Variants in EPB41L5 observed in about 807,000 individuals in gnomAD.
EPB41L5 encodes band 4.1-like protein 5.
Under a neutral mutation model 106.6 loss-of-function variants are expected in EPB41L5, and 55 were observed. The ratio of observed to expected loss-of-function variants is 0.52; its 90% CI spans 0.42 to 0.65. EPB41L5 has a LOEUF of 0.65. EPB41L5 is among the 30% of genes least tolerant of loss of function. EPB41L5 has a pLI of 0.00. For missense variants in EPB41L5, 871 were observed against 882.1 expected (o/e 0.99, Z 0.16); for synonymous variants, 297 against 306.7 (o/e 0.97, Z 0.33).
At position 120,160,948 on chromosome 2, in the gene EPB41L5, C is replaced by T; in HGVS notation, c.1861C>T (p.Pro621Ser). 6.2e-7 allele frequency: 1 copy of T among 1,613,882 alleles called. No individual in the cohort carries two copies. The highest frequency in any genetic ancestry group is 8.5e-7 in the Non-Finnish European group (1 of 1,179,770). ...TCTTGAGACTCTGATGCTTATCACACCTGCCGACAGTGGTTCTGTTCTAAA... is the reference window on the plus strand; with the variant it reads ...TCTTGAGACTCTGATGCTTATCACATCTGCCGACAGTGGTTCTGTTCTAAA... Reference protein sequence around the residue: ...ESLETLMLITPADSGSVLKEA... With the variant: ...ESLETLMLITSADSGSVLKEA... The change falls in exon 21 of 25, where the codon CCT (proline) becomes TCT (serine). Residue 621 changes from proline to serine, a missense_variant. Pro to Ser is a moderately conservative substitution (Grantham distance 74). Transcript: ENST00000263713.
In EPB41L5 at chr2:120,177,475, A is replaced by G. The variant is rs775908497; in HGVS notation, c.*2568A>G. The stretch of plus-strand genomic sequence containing the variant: ...GAGGAACCTCAACTCAGTCCATTTC[A>G]TAGCCCTGATAGGGGAAGTGGGAGT... On this transcript the variant is annotated 3_prime_UTR_variant, in exon 25 of 25. Coordinates refer to ENST00000263713, the MANE Select transcript of EPB41L5 (RefSeq NM_020909.4). 3 of 152,314 alleles carry G rather than the reference A, an allele frequency of 2.0e-5. No homozygotes were observed. The highest frequency in any genetic ancestry group is 6.5e-5 in the Admixed American group (1 of 15,296). 9.4% of individuals were successfully genotyped at this position (152,314 alleles called of 1,614,324 possible).
chr2:120,085,098 G>A (rs1682963014), intron 10 of EPB41L5, among the ~76,000 whole-genome samples: 1 of 152,094 alleles, frequency 6.6e-6, no homozygotes, highest in Non-Finnish European at 1.5e-5. Context: ...AGAGAAGTTT[G>A]ATCATCTGAA....
chr2:120,086,085 C>G (rs1351182764), intron 10 of EPB41L5, among the ~76,000 whole-genome samples: 1 of 152,114 alleles, frequency 6.6e-6, no homozygotes, highest in Non-Finnish European at 1.5e-5. Context: ...CCTGTAATCC[C>G]AGCTACTCTG....
intron 10 of EPB41L5, among the ~76,000 whole-genome samples, chr2:120,079,908 C>T (rs1459446723): frequency 6.6e-6 from 1 of 152,074 alleles, no homozygotes; most frequent in African/African-American, 2.4e-5. Context: ...GTGGTCCTCC[C>T]ATGGTTTCCT....
intron 2 of EPB41L5, among the ~76,000 whole-genome samples, chr2:120,028,935 T>G (rs1678519073): frequency 6.6e-6 from 1 of 152,132 alleles, no homozygotes; most frequent in South Asian, 2.1e-4. Flanking sequence ...GCTAAAGGAA[T>G]TATTGGAGAC....
intron 16 of EPB41L5, among the ~76,000 whole-genome samples, chr2:120,113,591 A>G (rs910179859): frequency 2.0e-5 from 3 of 152,238 alleles, no homozygotes; most frequent in African/African-American, 7.2e-5. Context: ...ACAAAGGTGT[A>G]CAACCATCAC....
intron 12 of EPB41L5, among the ~76,000 whole-genome samples, chr2:120,091,294 A>G (rs572991033): frequency 6.6e-6 from 1 of 152,322 alleles, no homozygotes; most frequent in South Asian, 2.1e-4. Context: ...AAAAGGACAG[A>G]TATTTCAAAC....
chr2:120,131,771 A>G, intron 18 of EPB41L5, 56 bp downstream of exon 18: 1 of 1,299,412 alleles, frequency 7.7e-7, no homozygotes, highest in East Asian at 2.3e-5. Flanking sequence ...TCCCAGAAAT[A>G]TTTTCTTTCC....
In EPB41L5 at chr2:120,177,746, A is replaced by T. The variant is rs886699163; in HGVS notation, c.*2839A>T. ...TACATTGTTTTAAGAAAAAACTTTT[A>T]AAAATATTTCTTATAGTCTCCTAAC... On this transcript the variant is annotated 3_prime_UTR_variant, in exon 25 of 25. Transcript: ENST00000263713. The T allele has an allele frequency of 8.5e-5, 13 of 152,170 alleles. No individual in the cohort carries two copies. Among genetic ancestry groups the T allele is most frequent in the Admixed American group, 2.0e-4 (3 of 15,284 alleles). 9.4% of individuals were successfully genotyped at this position (152,170 alleles called of 1,614,324 possible). A position where few individuals can be genotyped will look rare whatever the true frequency, so the allele number is the denominator to read the frequency against.
intron 14 of EPB41L5, among the ~76,000 whole-genome samples, chr2:120,097,000 A>G (rs1166660159): frequency 6.6e-6 from 1 of 152,210 alleles, no homozygotes; most frequent in African/African-American, 2.4e-5. Context: ...TTGAAAAATT[A>G]AGGCTTTTAT....
intron 21 of EPB41L5, among the ~76,000 whole-genome samples, chr2:120,163,258 G>GCCC (rs372952438): frequency 9.1e-5 from 8 of 87,508 alleles, no homozygotes; most frequent in Non-Finnish European, 1.5e-4. Context: ...GTGTCCCTCT[G>GCCC]CCCCCCCCCC....
chr2:120,078,240 G>A (rs1682391733), intron 9 of EPB41L5, among the ~76,000 whole-genome samples: 1 of 152,126 alleles, frequency 6.6e-6, no homozygotes, highest in Non-Finnish European at 1.5e-5. Context: ...TGTAGTGGGA[G>A]TGTAACTACC....
intron 1 of EPB41L5, among the ~76,000 whole-genome samples, chr2:120,016,768 T>C (rs536640956): frequency 9.2e-4 from 140 of 152,134 alleles, no homozygotes; most frequent in African/African-American, 3.4e-3. Context: ...AAGGAATATG[T>C]AGGGATTCTG....
At chr2:120,086,544 T>A (rs1683067821) in intron 10 of EPB41L5, among the ~76,000 whole-genome samples, 1 of 152,218 alleles carries the variant, frequency 6.6e-6, no homozygotes, top group Middle Eastern at 3.4e-3. Context: ...TGCGGATCAC[T>A]TGAGCCCAGG....
intron 2 of EPB41L5, among the ~76,000 whole-genome samples, chr2:120,033,893 A>G (rs910536956): frequency 1.3e-5 from 2 of 152,044 alleles, no homozygotes; most frequent in African/African-American, 2.4e-5. Context: ...CAGGAGTTTG[A>G]GACCAGTCTG....
At chr2:120,053,365 A>C (rs1680417724) in intron 3 of EPB41L5, among the ~76,000 whole-genome samples, 1 of 152,178 alleles carries the variant, frequency 6.6e-6, no homozygotes, top group African/African-American at 2.4e-5. Context: ...CAATTTACAT[A>C]CCATAAAGTT....
At chr2:120,074,437 C>G in intron 5 of EPB41L5, 1 of 327,704 alleles carries the variant, frequency 3.1e-6, no homozygotes, top group Non-Finnish European at 5.5e-6. Context: ...GTATCACTCT[C>G]AACTCAGGAA....
At chr2:120,030,418 G>T (rs1678626682) in intron 2 of EPB41L5, among the ~76,000 whole-genome samples, 2 of 152,178 alleles carry the variant, frequency 1.3e-5, no homozygotes, top group Non-Finnish European at 2.9e-5. Flanking sequence ...ACCCAGATCG[G>T]TAATCTGGCT....
At chr2:120,143,434 C>CT (rs1418713779) in intron 19 of EPB41L5, among the ~76,000 whole-genome samples, 1 of 152,124 alleles carries the variant, frequency 6.6e-6, no homozygotes, top group African/African-American at 2.4e-5. Context: ...CACAACCCAT[C>CT]TACCCTCAAT....
Sources: gnomAD v4.1 joint callset for allele counts (sites outside exome capture counted in the v4.1 genomes callset) on GRCh38, gnomAD v4.1.1 for gene constraint, MANE v1.5 for transcripts, NCBI Gene and HGNC (gene_info 2026-07-23, HGNC 2026-07-21) for gene names.